The following NTRK1 variants were observed in gnomAD, a reference collection of about 807,000 sequenced individuals.
The protein encoded by NTRK1 is high affinity nerve growth factor receptor.
Under a neutral mutation model 86.8 loss-of-function variants are expected in NTRK1, and 62 were observed. The ratio of observed to expected loss-of-function variants is 0.71; its 90% CI spans 0.58 to 0.88. The LOEUF is 0.88. Ranked by LOEUF, NTRK1 falls within the 40% of genes least tolerant of loss-of-function variation. The probability of loss-of-function intolerance (pLI) is 0.00; values close to 1 mark genes in which losing one functional copy is unlikely to be tolerated. For missense variants in NTRK1, 967 were observed against 1,078.4 expected (o/e 0.90, Z 1.45); for synonymous variants, 469 against 456.6 (o/e 1.03, Z -0.35).
intron 2 of NTRK1, chr1:156,843,085 C>T: frequency 1.9e-6 from 3 of 1,614,202 alleles, no homozygotes; most frequent in Non-Finnish European, 2.5e-6. Flanking sequence ...CCAGCTCATT[C>T]ACCGTCTTCA....
chr1:156,841,044 G>T, intron 1 of NTRK1: 1 of 1,596,370 alleles, frequency 6.3e-7, no homozygotes, highest in African/African-American at 1.3e-5. Flanking sequence ...TGTCCAGAAT[G>T]TGTGTGAAAG....
At chr1:156,831,197 G>A (rs561319159) in intron 1 of NTRK1, among the ~76,000 whole-genome samples, 1 of 152,330 alleles carries the variant, frequency 6.6e-6, no homozygotes, top group East Asian at 1.9e-4. Flanking sequence ...AGAAGTCATG[G>A]GTGGAGAGAG....
chr1:156,875,019 G>C lies in NTRK1; in HGVS notation c.1354+11G>C, dbSNP rs774896426. On this transcript the variant is annotated intron_variant, in intron 11 of 16. Coordinates refer to ENST00000524377, the MANE Select transcript of NTRK1 (RefSeq NM_002529.4). ...AGTTTGGGATCAACCGTGAGTCGGG[G>C]CTGCAGAGGGCTGTCTGTCTGTCTG... 6.3e-5 allele frequency: 98 copies of C among 1,563,782 alleles called. 1 individual carries two copies. Among genetic ancestry groups the C allele is most frequent in the Middle Eastern group, 3.3e-4 (2 of 5,984 alleles).
Position 156,874,596 on chromosome 1 carries a change from G to A in NTRK1, c.1221G>A (p.Pro407=), listed in dbSNP as rs1309444682. Residue 407 remains proline, a synonymous_variant, in exon 10 of 17, where the codon CCG becomes CCA. Transcript: ENST00000524377. ...ACACTAACAGCACATCTGGAGACCC[G>A]GTGGAGAAGAAGGACGAAACACCTT... ...PVDTNSTSGD[P]VEKKDETPFG... is the part of the protein sequence containing the mutation. The A allele has an allele frequency of 7.4e-6, 12 of 1,614,018 alleles. No individual in the cohort carries two copies. The highest frequency in any genetic ancestry group is 3.3e-5 in the Admixed American group (2 of 59,996).
rs41267425 is a variant in NTRK1, at chr1:156,866,990, C to A, written c.428+12C>A. 4,370 of 1,613,942 alleles carry A rather than the reference C, an allele frequency of 2.7e-3. 11 individuals are homozygous for A. Among genetic ancestry groups the A allele is most frequent in the African/African-American group, 9.9e-3 (743 of 75,050 alleles). On this transcript the variant is annotated intron_variant, in intron 4 of 16. Coordinates refer to ENST00000524377, the MANE Select transcript of NTRK1 (RefSeq NM_002529.4). ...TCCTTACAGGAACTGTGAGTGGGGG[C>A]GCTTCCAGGGGCAAGAGCACCAAGT...
chr1:156,869,103 G>A (rs925060961), intron 6 of NTRK1, among the ~76,000 whole-genome samples: 15 of 127,172 alleles, frequency 1.2e-4, no homozygotes, highest in Admixed American at 9.1e-4. Context: ...ATGGAGTTTC[G>A]CTCTGTTGCC....
At chr1:156,826,494 G>A (rs973165989) in intron 1 of NTRK1, among the ~76,000 whole-genome samples, 2 of 151,834 alleles carry the variant, frequency 1.3e-5, no homozygotes, top group African/African-American at 4.8e-5. Flanking sequence ...GTAGAGACAG[G>A]GTTTCACCTT....
At chr1:156,872,066 G>T (rs975812045) in intron 7 of NTRK1, among the ~76,000 whole-genome samples, 3 of 152,034 alleles carry the variant, frequency 2.0e-5, no homozygotes, top group Non-Finnish European at 4.4e-5. Context: ...TCCCTCATCG[G>T]GTCCTTCTCC....
chr1:156,859,790 C>T (rs949356657), upstream of NTRK1, among the ~76,000 whole-genome samples: 2 of 152,176 alleles, frequency 1.3e-5, no homozygotes, highest in African/African-American at 4.8e-5. The surrounding 1 kb of genome is among the most constrained non-coding windows in gnomAD (Gnocchi z 6.2). Context: ...AGGAGGTCGT[C>T]CTTCCCCCGC....
rs781390842 is a variant in NTRK1 at position 156,873,802 on chromosome 1, C to T, written c.1020C>T (p.Thr340=). The T allele has an allele frequency of 6.2e-6, 10 of 1,612,962 alleles. No individual in the cohort carries two copies. Among genetic ancestry groups the T allele is most frequent in the African/African-American group, 1.3e-5 (1 of 74,888 alleles). ...TCCTGGAGCCGGCAGCCAATGAGAC[C>T]GTGCGGCACGGGTGTCTGCGCCTCA... The part of the protein sequence containing the change: ...TEFLEPAANE[T]VRHGCLRLNQ... Residue 340 remains threonine (T), a synonymous_variant, in exon 8 of 17, where the codon ACC becomes ACT. Transcript: ENST00000524377.
At chr1:156,838,895 A>G (rs1654667366) in intron 1 of NTRK1, among the ~76,000 whole-genome samples, 1 of 152,218 alleles carries the variant, frequency 6.6e-6, no homozygotes, top group Non-Finnish European at 1.5e-5. Flanking sequence ...AGGCGTGTGC[A>G]AATGCAGGCA....
intron 1 of NTRK1, among the ~76,000 whole-genome samples, chr1:156,831,607 G>A (rs983640759): frequency 6.6e-6 from 1 of 152,152 alleles, no homozygotes; most frequent in African/African-American, 2.4e-5. Flanking sequence ...CAAGTTCCAG[G>A]ACTGCTTGGA....
chr1:156,823,311 G>C (rs376311719), intron 1 of NTRK1, among the ~76,000 whole-genome samples: 6 of 152,194 alleles, frequency 3.9e-5, no homozygotes, highest in Non-Finnish European at 8.8e-5. Flanking sequence ...GGAGGAGAAG[G>C]CTCCAACTCC....
intron 2 of NTRK1, chr1:156,844,874 A>C: frequency 6.2e-7 from 1 of 1,612,584 alleles, no homozygotes; most frequent in Non-Finnish European, 8.5e-7. Context: ...CAGCCGGGCC[A>C]AAAGTGGTTC....
chr1:156,846,455 C>A lies in NTRK1; in HGVS notation c.50+4262C>A. ...GCCCCGGCTTCTCTATTTCTGGTGCCTGTGCTCCCCTGTTCTCATGGATGC... is the reference window on the plus strand; with the variant it reads ...GCCCCGGCTTCTCTATTTCTGGTGCATGTGCTCCCCTGTTCTCATGGATGC... On this transcript the variant is annotated intron_variant, in intron 2 of 16. Coordinates refer to the NTRK1 transcript ENST00000392302. 3 of 1,325,962 alleles carry A rather than the reference C, an allele frequency of 2.3e-6. No homozygotes were observed. In the South Asian group the frequency reaches 3.7e-5, roughly 16 times the overall value. The allele number at this position is 1,325,962 out of a possible 1,614,324, so 82.1% of individuals were successfully genotyped here.
At chr1:156,849,612 G>C in intron 2 of NTRK1, 1 of 628,988 alleles carries the variant, frequency 1.6e-6, no homozygotes. Context: ...GGGGGCATTC[G>C]TGCATACCCA....
At chr1:156,865,654 A>G (rs1323566282) in intron 3 of NTRK1, among the ~76,000 whole-genome samples, 1 of 152,174 alleles carries the variant, frequency 6.6e-6, no homozygotes, top group East Asian at 1.9e-4. Context: ...TAGTGGCACT[A>G]TTACCCATCT....
chr1:156,827,168 G>A (rs550585485), intron 1 of NTRK1, among the ~76,000 whole-genome samples: 2 of 90,530 alleles, frequency 2.2e-5, no homozygotes, highest in Non-Finnish European at 4.2e-5. Flanking sequence ...CTGTAGCCTT[G>A]AACCCCCAGG....
chr1:156,880,077 G>A lies in NTRK1; in HGVS notation c.2125G>A (p.Asp709Asn), dbSNP rs1162344126. ...ILYRKFTTES[D>N]VWSFGVVLWE... The stretch of plus-strand genomic sequence containing the variant: ...GTACCGTAAGTTCACCACCGAGAGC[G>A]ACGTGTGGAGCTTCGGCGTGGTGCT... Residue 709 changes from aspartate to asparagine, a missense_variant, in exon 16 of 17, where the codon GAC becomes AAC. Asp to Asn is a conservative substitution (Grantham distance 23). Transcript: ENST00000524377. The A allele has an allele frequency of 1.2e-6, 2 of 1,613,662 alleles. No individual in the cohort carries two copies. Among genetic ancestry groups the A allele is most frequent in the Non-Finnish European group, 1.7e-6 (2 of 1,179,984 alleles).
Sources: gnomAD v4.1 joint callset for allele counts (sites outside exome capture counted in the v4.1 genomes callset) on GRCh38, gnomAD v4.1.1 for gene constraint, Gnocchi (gnomAD v3.1) non-coding constraint, MANE v1.5 for transcripts, NCBI Gene and HGNC (gene_info 2026-07-23, HGNC 2026-07-21) for gene names.